MAST4: variants seen among roughly 807,000 people sequenced by gnomAD.
The protein encoded by MAST4 is microtubule associated serine/threonine kinase family member 4.
In MAST4, 89 loss-of-function variants were observed where a neutral mutation model predicts 162.7. That is an observed-to-expected ratio of 0.55 (90% CI 0.46 to 0.65). The LOEUF (loss-of-function observed/expected upper bound fraction) is 0.65. Ranked by LOEUF, MAST4 falls within the 30% of genes least tolerant of loss-of-function variation. The pLI is 0.00. For missense variants in MAST4, 3,153 were observed against 3,374.0 expected (o/e 0.93, Z 1.62); for synonymous variants, 1,479 against 1,361.1 (o/e 1.09, Z -1.91).
At chr5:66,612,085 A>C (rs1579986307) in intron 1 of MAST4, among the ~76,000 whole-genome samples, 1 of 152,220 alleles carries the variant, frequency 6.6e-6, no homozygotes, top group African/African-American at 2.4e-5. Flanking sequence ...GCAAGGTTTT[A>C]TGTGTATGGC....
At chr5:66,724,648 T>C (rs1185379816) in intron 1 of MAST4, among the ~76,000 whole-genome samples, 1 of 152,188 alleles carries the variant, frequency 6.6e-6, no homozygotes, top group East Asian at 1.9e-4. Context: ...CTATATGGTA[T>C]AGCCTATTGC....
At chr5:67,004,105 G>T (rs1751636598) in intron 4 of MAST4, among the ~76,000 whole-genome samples, 1 of 152,242 alleles carries the variant, frequency 6.6e-6, no homozygotes, top group South Asian at 2.1e-4. Flanking sequence ...GCAGCCGCGG[G>T]TTTATTTATT....
In MAST4 at chr5:67,165,261, C is replaced by G. The variant is rs1278030748; in HGVS notation, c.6082C>G (p.Gln2028Glu). 1 of 1,613,108 alleles carries G rather than the reference C, an allele frequency of 6.2e-7. No homozygotes were observed. Among genetic ancestry groups the G allele is most frequent in the Non-Finnish European group, 8.5e-7 (1 of 1,179,822 alleles). The change falls in exon 29 of 29, where the codon CAG (glutamine) becomes GAG (glutamate). Residue 2028 changes from glutamine to glutamate, a missense_variant. By Grantham distance (29) the Gln-to-Glu change is conservative. Coordinates refer to ENST00000403625, the MANE Select transcript of MAST4 (RefSeq NM_001164664.2). ...AAGGACCCACCCAGATTTCTATACA[C>G]AGACCCAGGCCATGGAGAAAGCATG... ...VGRTHPDFYT[Q>E]TQAMEKAWAP...
intron 4 of MAST4, among the ~76,000 whole-genome samples, chr5:66,909,864 T>C (rs911028149): frequency 6.6e-6 from 1 of 152,216 alleles, no homozygotes; most frequent in Non-Finnish European, 1.5e-5. Context: ...CAAGATCTAA[T>C]GGTTTTATAA....
chr5:67,026,511 A>G (rs1754668460), intron 4 of MAST4, among the ~76,000 whole-genome samples: 1 of 152,254 alleles, frequency 6.6e-6, no homozygotes, highest in Admixed American at 6.5e-5. Context: ...TGCAACCATC[A>G]GCAGAATGCT....
chr5:67,033,413 A>G (rs1293145725), intron 4 of MAST4, among the ~76,000 whole-genome samples: 1 of 151,046 alleles, frequency 6.6e-6, no homozygotes, highest in Non-Finnish European at 1.5e-5. Context: ...CAAAAAAAAA[A>G]GCAGTCAAGC....
At chr5:66,888,124 A>G (rs1038717770) in intron 3 of MAST4, among the ~76,000 whole-genome samples, 1 of 152,192 alleles carries the variant, frequency 6.6e-6, no homozygotes, top group African/African-American at 2.4e-5. Context: ...TAGAATCTTT[A>G]CTTATTAAGT....
intron 1 of MAST4, among the ~76,000 whole-genome samples, chr5:66,690,425 C>G (rs190538483): frequency 5.9e-5 from 9 of 152,098 alleles, no homozygotes; most frequent in African/African-American, 2.2e-4. Context: ...TTTCATTGTC[C>G]GGGATTAGAA....
intron 4 of MAST4, among the ~76,000 whole-genome samples, chr5:66,911,681 C>T (rs1763788366): frequency 6.7e-6 from 1 of 149,976 alleles, no homozygotes; most frequent in Admixed American, 6.8e-5. Flanking sequence ...GGTAACTGAG[C>T]TGTGATCATA....
At chr5:67,143,229 C>T (rs562419426) in intron 21 of MAST4, among the ~76,000 whole-genome samples, 1 of 149,444 alleles carries the variant, frequency 6.7e-6, no homozygotes, top group East Asian at 2.0e-4. Context: ...AAGACCAGCC[C>T]GGGCAATATA....
chr5:67,078,732 TTATC>T (rs1173249337), intron 5 of MAST4, among the ~76,000 whole-genome samples: 2 of 136,652 alleles, frequency 1.5e-5, no homozygotes, highest in African/African-American at 5.4e-5. Context: ...ATATTTATAT[TTATC>T]TAAATATATA....
rs1227675465 is a variant in MAST4, at chr5:66,599,361, A to G, written c.363+2343A>G. On this transcript the variant is annotated intron_variant, in intron 1 of 28. Coordinates refer to ENST00000403625, the MANE Select transcript of MAST4 (RefSeq NM_001164664.2). ...CCAGAGGATTCGGGAATGCTGGGTG[A>G]TAAACACTCATTTTAGTGGAAAGAC... 2.0e-5 allele frequency among the ~76,000 whole-genome samples: 3 copies of G among 152,154 alleles called. No homozygotes were observed. In the East Asian group the frequency reaches 5.8e-4, roughly 29 times the overall value.
intron 1 of MAST4, among the ~76,000 whole-genome samples, chr5:66,696,630 A>G (rs1016933900): frequency 3.9e-5 from 6 of 152,324 alleles, no homozygotes; most frequent in African/African-American, 9.6e-5. Flanking sequence ...ACATGCATTC[A>G]TGGTCATACT....
At chr5:67,118,591 G>A (rs1767203030) in intron 12 of MAST4, 91 bp from the exon 13 acceptor site, 3 of 783,504 alleles carry the variant, frequency 3.8e-6, no homozygotes, top group Non-Finnish European at 6.3e-6. Context: ...TTTTTAATAT[G>A]GGAGAAACTA....
intron 3 of MAST4, among the ~76,000 whole-genome samples, chr5:66,844,249 T>C (rs1294806819): frequency 1.3e-5 from 2 of 150,286 alleles, no homozygotes; most frequent in African/African-American, 4.9e-5. Flanking sequence ...CAATTCCCCT[T>C]ACCTCCTGGG....
At chr5:66,952,318 A>T (rs531623683) in intron 4 of MAST4, among the ~76,000 whole-genome samples, 1 of 152,266 alleles carries the variant, frequency 6.6e-6, no homozygotes, top group Non-Finnish European at 1.5e-5. Context: ...GCCCACAGTG[A>T]ACACTTAAGA....
At position 67,054,404 on chromosome 5, in the gene MAST4, T is replaced by C. The variant is rs1758553485; in HGVS notation, c.675T>C (p.Phe225=). ...TTTGTTTTTTCTTTCTTTTTGATAG[T>C]TGCCGAACAAGCAACCGGAAAAGCT... The part of the protein sequence containing the change: ...KELSLPRRGS[F]CRTSNRKSLI... Residue 225 remains phenylalanine (F), a splice_region_variant and synonymous_variant, in exon 5 of 29, where the codon TTT becomes TTC. Transcript: ENST00000403625. 5 of 1,602,612 alleles carry C rather than the reference T, an allele frequency of 3.1e-6. No individual in the cohort carries two copies. The highest frequency in any genetic ancestry group is 2.3e-5 in the South Asian group (2 of 88,480).
At chr5:66,842,923 C>T (rs1758528504) in intron 3 of MAST4, among the ~76,000 whole-genome samples, 1 of 152,072 alleles carries the variant, frequency 6.6e-6, no homozygotes, top group Admixed American at 6.6e-5. Context: ...ATCTTATCAC[C>T]ATTATTTAAA....
At position 67,114,151 on chromosome 5, in the gene MAST4, A is replaced by G. The variant is rs745953688; in HGVS notation, c.1523A>G (p.Gln508Arg). The change falls in exon 12 of 29, where the codon CAG becomes CGG. Residue 508 changes from glutamine (Q) to arginine (R), a missense_variant. Transcript: ENST00000403625. Reference sequence around the variant, plus strand: ...GCAGAAGGCCATGCCAAAGAAGGACAGGGTATTAAAACCGACATTCCCAGG... The same window carrying G: ...GCAGAAGGCCATGCCAAAGAAGGACGGGGTATTAAAACCGACATTCCCAGG... ...EAAEGHAKEG[Q>R]GIKTDIPRYI... The G allele has an allele frequency of 6.8e-6, 11 of 1,613,076 alleles. No individual in the cohort carries two copies. The highest frequency in any genetic ancestry group is 1.7e-5 in the Admixed American group (1 of 59,842).
Sources: allele counts gnomAD v4.1 joint callset (sites outside exome capture counted in the v4.1 genomes callset), GRCh38; gene constraint gnomAD v4.1.1; transcripts MANE v1.5; gene names NCBI Gene and HGNC (gene_info 2026-07-23, HGNC 2026-07-21).